The following CLNK variants were observed in gnomAD, a reference collection of about 807,000 sequenced individuals.
The protein encoded by CLNK is cytokine-dependent hematopoietic cell linker.
A neutral mutation model predicts 68.6 loss-of-function variants in CLNK; 74 were observed. The ratio of observed to expected loss-of-function variants is 1.08; its 90% CI spans 0.89 to 1.31. CLNK has a LOEUF of 1.31. Among genes scored for constraint, CLNK ranks in the 50% most tolerant of loss-of-function variants. The pLI, the probability that CLNK is intolerant of heterozygous loss-of-function variation, is 0.00. For missense variants in CLNK, 553 were observed against 515.3 expected, an observed-to-expected ratio of 1.07 and a Z score of -0.71; for synonymous variants, 198 against 172.2, an observed-to-expected ratio of 1.15 and a Z score of -1.17.
At position 10,496,606 on chromosome 4, in the gene CLNK, C is replaced by T. The variant is rs548193359; in HGVS notation, c.1140+4650G>A. The stretch of plus-strand genomic sequence containing the variant: ...TGATTCAACCTGCAATGTTTTCAAA[C>T]GGGTGAGGGATTGCTTGTATTTGCC... On this transcript the variant is annotated intron_variant, in intron 18 of 18. Coordinates refer to ENST00000226951, the MANE Select transcript of CLNK (RefSeq NM_052964.4). Among the ~76,000 whole-genome samples the T allele has an allele frequency of 7.2e-5, 11 of 152,270 alleles. No individual in the cohort carries two copies. The South Asian group carries it at 1.2e-3, about 17-fold the overall frequency.
rs1396375534 is a variant in CLNK, at chr4:10,487,006, T to A, written c.*3461A>T. Reference sequence around the variant, plus strand: ...AGGTGCTAACACAATATATGACTAATGATGAGGGCTATGCACATTTATACA... The same window carrying A: ...AGGTGCTAACACAATATATGACTAAAGATGAGGGCTATGCACATTTATACA... On this transcript the variant is annotated 3_prime_UTR_variant, in exon 19 of 19. Transcript: ENST00000226951. 3 of 152,242 alleles carry A rather than the reference T, an allele frequency of 2.0e-5. No individual in the cohort carries two copies. The highest frequency in any genetic ancestry group is 2.9e-5 in the Non-Finnish European group (2 of 68,046). The allele number at this position is 152,242 out of a possible 1,614,324, so 9.4% of individuals were successfully genotyped here.
chr4:10,519,625 C>T (rs745807649), intron 15 of CLNK, among the ~76,000 whole-genome samples: 2 of 152,230 alleles, frequency 1.3e-5, no homozygotes, highest in Non-Finnish European at 2.9e-5. Flanking sequence ...TGAGGGGAAG[C>T]GAATTTATCA....
At chr4:10,725,820 C>G in the CLNK span, among the ~76,000 whole-genome samples, 4 of 151,310 alleles carry the variant, frequency 2.6e-5, no homozygotes, top group East Asian at 1.9e-4. Context: ...CGCCACTGCA[C>G]TCCAGCCTGG....
chr4:10,656,401 A>G (rs1189776203), intron 2 of CLNK: 3 of 151,836 alleles, frequency 2.0e-5, no homozygotes, highest in Non-Finnish European at 2.9e-5. Flanking sequence ...AGACGAGAAA[A>G]GCTTAATGGC....
At chr4:10,634,978 G>A (rs1474886436) in intron 2 of CLNK, among the ~76,000 whole-genome samples, 2 of 152,168 alleles carry the variant, frequency 1.3e-5, no homozygotes, top group African/African-American at 4.8e-5. Context: ...CTGATTCCAG[G>A]TGTAGGGCTT....
intron 8 of CLNK, among the ~76,000 whole-genome samples, chr4:10,551,261 T>C (rs571828769): frequency 7.2e-5 from 11 of 152,218 alleles, no homozygotes; most frequent in African/African-American, 1.7e-4. Flanking sequence ...CCCACTTTTT[T>C]TGAGACCAAG....
Position 10,501,363 on chromosome 4 carries a change from G to A in CLNK, c.1033C>T (p.Pro345Ser), listed in dbSNP as rs778860913. The change falls in exon 18 of 19, where the codon CCC (proline) becomes TCC (serine). Residue 345 changes from proline (P) to serine (S), a missense_variant. By Grantham distance (74) the Pro-to-Ser change is moderately conservative. Coordinates refer to ENST00000226951, the MANE Select transcript of CLNK (RefSeq NM_052964.4). ...RDCSTKSKEE[P>S]YVLAVFYENK... is the part of the protein sequence containing the mutation. ...TCATAAAACACAGCCAAAACATAGG[G>A]CTCTTCCTTGGATTTTGTGGAACAA... The A allele has an allele frequency of 6.2e-7, 1 of 1,610,084 alleles. No homozygotes were observed. The highest frequency in any genetic ancestry group is 1.1e-5 in the South Asian group (1 of 90,322).
At chr4:10,672,653 G>A (rs970126514) in intron 1 of CLNK, among the ~76,000 whole-genome samples, 1 of 152,094 alleles carries the variant, frequency 6.6e-6, no homozygotes, top group African/African-American at 2.4e-5. Flanking sequence ...CCTATGCTTT[G>A]GAATTATCTG....
intron 2 of CLNK, among the ~76,000 whole-genome samples, chr4:10,631,368 G>T (rs1270064707): frequency 6.6e-6 from 1 of 152,216 alleles, no homozygotes; most frequent in African/African-American, 2.4e-5. Flanking sequence ...TAGAAGGCTG[G>T]AAACCAGAGA....
chr4:10,598,771 G>A (rs993626600), intron 2 of CLNK: 3 of 372,578 alleles, frequency 8.1e-6, no homozygotes, highest in East Asian at 9.4e-5. Flanking sequence ...TTCTTTTGCA[G>A]GCATTTCATT....
intron 12 of CLNK, among the ~76,000 whole-genome samples, chr4:10,529,387 A>G (rs926091848): frequency 1.3e-5 from 2 of 152,224 alleles, no homozygotes; most frequent in African/African-American, 4.8e-5. Context: ...AGATTCCTGC[A>G]GTCATCTGAA....
At chr4:10,644,554 C>T (rs930526783) in intron 2 of CLNK, among the ~76,000 whole-genome samples, 4 of 152,094 alleles carry the variant, frequency 2.6e-5, no homozygotes, top group Non-Finnish European at 5.9e-5. Context: ...CACTGTGCAA[C>T]CCAGAATATA....
intron 1 of CLNK, among the ~76,000 whole-genome samples, chr4:10,682,131 GTA>G (rs1491042496): frequency 1.9e-4 from 10 of 52,288 alleles, no homozygotes; most frequent in East Asian, 8.8e-4. Flanking sequence ...TTGTGTGTGT[GTA>G]TGTGTGTGTG....
intron 2 of CLNK, among the ~76,000 whole-genome samples, chr4:10,623,871 T>C (rs576450422): frequency 6.6e-6 from 1 of 152,366 alleles, no homozygotes; most frequent in Non-Finnish European, 1.5e-5. Flanking sequence ...GACAGTGATG[T>C]CTTCTCTTAA....
At chr4:10,698,772 A>C in the CLNK span, among the ~76,000 whole-genome samples, 1 of 152,288 alleles carries the variant, frequency 6.6e-6, no homozygotes, top group East Asian at 1.9e-4. Flanking sequence ...ATTGGGCCAA[A>C]CTATATTCTG....
chr4:10,714,766 A>G, the CLNK span, among the ~76,000 whole-genome samples: 2 of 151,990 alleles, frequency 1.3e-5, no homozygotes, highest in South Asian at 2.1e-4. Flanking sequence ...TAAATATTGC[A>G]AATCTCAGTG....
At chr4:10,532,405 A>G (rs1718580777) in intron 11 of CLNK, 122 bp from the exon 12 acceptor site, 2 of 742,924 alleles carry the variant, frequency 2.7e-6, no homozygotes. Flanking sequence ...CCCATAGTCC[A>G]GTGAGATATT....
the CLNK span, among the ~76,000 whole-genome samples, chr4:10,734,097 G>C: frequency 6.6e-6 from 1 of 152,138 alleles, no homozygotes; most frequent in African/African-American, 2.4e-5. Flanking sequence ...GAGGTTTATA[G>C]TCATTATCTC....
chr4:10,584,464 A>G (rs1031805971), intron 4 of CLNK, among the ~76,000 whole-genome samples: 2 of 152,222 alleles, frequency 1.3e-5, no homozygotes, highest in Non-Finnish European at 1.5e-5. Context: ...GCTCCTGTTA[A>G]GTGCGTAGTA....
Sources: gnomAD v4.1 joint callset for allele counts (sites outside exome capture counted in the v4.1 genomes callset) on GRCh38, gnomAD v4.1.1 for gene constraint, MANE v1.5 for transcripts, NCBI Gene and HGNC (gene_info 2026-07-23, HGNC 2026-07-21) for gene names.